The following TASP1 variants were observed in gnomAD, a reference collection of about 807,000 sequenced individuals.
TASP1 encodes taspase 1.
In TASP1, 16 loss-of-function variants were observed where a neutral mutation model predicts 56.6. The ratio of observed to expected loss-of-function variants is 0.28; its 90% confidence interval spans 0.19 to 0.43. The LOEUF (loss-of-function observed/expected upper bound fraction) is 0.43, where lower values mean the gene tolerates loss of function less well. Ranked by LOEUF, TASP1 falls within the 20% of genes least tolerant of loss-of-function variation. The pLI, the probability that TASP1 is intolerant of heterozygous loss-of-function variation, is 1.00. For synonymous variants in TASP1, 179 were observed against 184.2 expected (o/e 0.97, Z 0.23); for missense variants, 393 against 511.6 (o/e 0.77, Z 2.24).
At position 13,501,274 on chromosome 20, in the gene TASP1, T is replaced by C. The variant is rs543857755; in HGVS notation, c.875-17937A>G. Among the ~76,000 whole-genome samples, 3 of 152,176 alleles carry C rather than the reference T, an allele frequency of 2.0e-5. No individual in the cohort carries two copies. The East Asian group carries it at 5.8e-4, about 29-fold the overall frequency. On this transcript the variant is annotated intron_variant, in intron 10 of 13. Coordinates refer to ENST00000337743, the MANE Select transcript of TASP1 (RefSeq NM_017714.3). ...ACCAGAGAGAACCCTGAGCTCTTTC[T>C]TTAAAAAGAAAGCATCAGAAAGTGG...
chr20:13,336,572 T>C, the TASP1 span, among the ~76,000 whole-genome samples: 1 of 152,188 alleles, frequency 6.6e-6, no homozygotes. Flanking sequence ...CCTGAGGCAG[T>C]ATAACATTAA....
At chr20:13,223,696 A>G in the TASP1 span, among the ~76,000 whole-genome samples, 4 of 152,234 alleles carry the variant, frequency 2.6e-5, no homozygotes, top group African/African-American at 7.2e-5. Context: ...AAGTACAGTG[A>G]CAGACTGAGG....
At chr20:13,369,328 T>TC in the TASP1 span, among the ~76,000 whole-genome samples, 1 of 152,010 alleles carries the variant, frequency 6.6e-6, no homozygotes, top group Non-Finnish European at 1.5e-5. Flanking sequence ...TGCCTATAAT[T>TC]CCAGCTACTC....
At chr20:13,635,389 T>G (rs1291814780) in intron 1 of TASP1, among the ~76,000 whole-genome samples, 3 of 146,284 alleles carry the variant, frequency 2.1e-5, no homozygotes, top group Non-Finnish European at 3.0e-5. Context: ...AGCAATTTCT[T>G]TTTTTTTTTT....
At chr20:13,360,932 G>A in the TASP1 span, among the ~76,000 whole-genome samples, 1 of 152,220 alleles carries the variant, frequency 6.6e-6, no homozygotes, top group South Asian at 2.1e-4. Context: ...TTGATTTATT[G>A]ATGGCGGTTC....
chr20:13,358,404 G>A, the TASP1 span, among the ~76,000 whole-genome samples: 9 of 152,272 alleles, frequency 5.9e-5, no homozygotes, highest in Admixed American at 3.9e-4. Flanking sequence ...TCTTTGCTCC[G>A]TGAGAAAGAT....
At chr20:13,126,571 G>A in the TASP1 span, 5 of 1,612,128 alleles carry the variant, frequency 3.1e-6, no homozygotes, top group South Asian at 5.5e-5. Flanking sequence ...TTCTTTTTGG[G>A]TTTCCCCTCT....
chr20:13,492,131 A>C lies in TASP1; in HGVS notation c.875-8794T>G, dbSNP rs112723151. 3.7e-3 allele frequency among the ~76,000 whole-genome samples: 561 copies of C among 152,336 alleles called. 4 individuals carry two copies. Among genetic ancestry groups the C allele is most frequent in the African/African-American group, 0.013 (526 of 41,584 alleles). Reference sequence around the variant, plus strand: ...ACAAAAGCACAGGCTCGACAGCAACAAAAGCTCACATTCAGTACCCCTGGC... The same window carrying C: ...ACAAAAGCACAGGCTCGACAGCAACCAAAGCTCACATTCAGTACCCCTGGC... On this transcript the variant is annotated intron_variant, in intron 10 of 13. Transcript: ENST00000337743.
At chr20:13,496,007 A>C (rs1437016265) in intron 10 of TASP1, among the ~76,000 whole-genome samples, 1 of 152,158 alleles carries the variant, frequency 6.6e-6, no homozygotes, top group East Asian at 1.9e-4. Context: ...AAAAATCTAT[A>C]AGCGTATGGT....
chr20:13,284,868 G>A, the TASP1 span, among the ~76,000 whole-genome samples: 3 of 152,328 alleles, frequency 2.0e-5, no homozygotes, highest in East Asian at 5.8e-4. Context: ...AAATAAAGAT[G>A]TGGAGAAAGC....
the TASP1 span, among the ~76,000 whole-genome samples, chr20:13,258,262 C>T: frequency 6.6e-6 from 1 of 152,020 alleles, no homozygotes; most frequent in South Asian, 2.1e-4. Flanking sequence ...CAATGTTAGG[C>T]ATGGCAGGAA....
chr20:13,460,076 TCTC>T (rs767661525), intron 11 of TASP1, among the ~76,000 whole-genome samples: 7 of 152,112 alleles, frequency 4.6e-5, no homozygotes, highest in Non-Finnish European at 8.8e-5. Context: ...TTCCTATTTA[TCTC>T]CTCAGTCTCT....
chr20:13,445,249 A>C (rs1004727157), intron 11 of TASP1, among the ~76,000 whole-genome samples: 4 of 152,222 alleles, frequency 2.6e-5, no homozygotes, highest in Non-Finnish European at 4.4e-5. Context: ...TTAAAGCCTC[A>C]GCTTCTTGAT....
chr20:13,128,772 C>A, the TASP1 span, among the ~76,000 whole-genome samples: 3 of 151,858 alleles, frequency 2.0e-5, no homozygotes, highest in African/African-American at 7.3e-5. Context: ...CTCACTACAA[C>A]CTCCACCTCC....
intron 11 of TASP1, among the ~76,000 whole-genome samples, chr20:13,447,847 C>T (rs1281253564): frequency 6.6e-6 from 1 of 152,056 alleles, no homozygotes; most frequent in Non-Finnish European, 1.5e-5. Context: ...TACTAATTTG[C>T]TATACTCTTT....
the TASP1 span, among the ~76,000 whole-genome samples, chr20:13,215,790 T>C: frequency 6.6e-6 from 1 of 152,170 alleles, no homozygotes; most frequent in African/African-American, 2.4e-5. Flanking sequence ...ACCCCAGTCT[T>C]CATAGGTTTT....
chr20:13,431,387 A>G (rs2042800116), intron 12 of TASP1, among the ~76,000 whole-genome samples: 1 of 152,322 alleles, frequency 6.6e-6, no homozygotes, highest in East Asian at 1.9e-4. Flanking sequence ...TTTTACAGGC[A>G]GAGGTTTATG....
the TASP1 span, among the ~76,000 whole-genome samples, chr20:13,220,874 C>T: frequency 6.6e-6 from 1 of 152,336 alleles, no homozygotes; most frequent in African/African-American, 2.4e-5. Flanking sequence ...TCTAAAGCAG[C>T]CCAGGCACCA....
chr20:13,449,395 G>C (rs1219711207), intron 11 of TASP1, among the ~76,000 whole-genome samples: 2 of 152,050 alleles, frequency 1.3e-5, no homozygotes, highest in Non-Finnish European at 2.9e-5. Context: ...TACCATGAGA[G>C]CAACTCTATT....
Sources: gnomAD v4.1 joint callset for allele counts (sites outside exome capture counted in the v4.1 genomes callset) on GRCh38, gnomAD v4.1.1 for gene constraint, MANE v1.5 for transcripts, NCBI Gene and HGNC (gene_info 2026-07-23, HGNC 2026-07-21) for gene names.